The following ANKRD13B variants were observed in gnomAD, a reference collection of about 807,000 sequenced individuals.
ANKRD13B encodes the protein ankyrin repeat domain-containing protein 13B.
A neutral mutation model predicts 74.4 loss-of-function variants in ANKRD13B; 33 were observed. The ratio of observed to expected loss-of-function variants is 0.44; its 90% CI spans 0.34 to 0.59. The LOEUF is 0.59. Among genes scored for constraint, ANKRD13B ranks in the 20% least tolerant of loss-of-function variants. The pLI, the probability that ANKRD13B is intolerant of heterozygous loss-of-function variation, is 0.02. For missense variants in ANKRD13B, 676 were observed against 877.9 expected (o/e 0.77, Z 2.91); for synonymous variants, 341 against 362.9 (o/e 0.94, Z 0.68).
intron 1 of ANKRD13B, among the ~76,000 whole-genome samples, chr17:29,606,006 G>A (rs936338742): frequency 1.3e-5 from 2 of 151,568 alleles, no homozygotes; most frequent in African/African-American, 4.9e-5. Context: ...TCCGCCTCCC[G>A]GGTTCAAGCG....
At chr17:29,604,839 G>A (rs1484236088) in intron 1 of ANKRD13B, among the ~76,000 whole-genome samples, 3 of 152,252 alleles carry the variant, frequency 2.0e-5, no homozygotes, top group South Asian at 2.1e-4. Context: ...CACTGCACCC[G>A]GCCTGAGGCT....
Position 29,611,265 on chromosome 17 carries a change from C to A in ANKRD13B, c.905-314C>A, listed in dbSNP as rs927121087. On this transcript the variant is annotated intron_variant, in intron 8 of 14. Transcript: ENST00000394859. The surrounding 1 kb of genome is among the most constrained non-coding windows in gnomAD (Gnocchi z 4.3). ...AAGCAAACACACACACGCACATGCA[C>A]ACCCCACAGTGCCTGCCGGGGCAGG... 6.6e-6 allele frequency among the ~76,000 whole-genome samples: 1 copy of A among 152,222 alleles called. No individual in the cohort carries two copies. The highest frequency in any genetic ancestry group is 1.9e-4 in the East Asian group (1 of 5,202).
intron 1 of ANKRD13B, among the ~76,000 whole-genome samples, chr17:29,597,899 A>G (rs117566858): frequency 0.013 from 1,993 of 152,214 alleles, 24 homozygotes; most frequent in South Asian, 0.034. Flanking sequence ...CCTGGAGCTG[A>G]GGCACCTGAT....
In ANKRD13B at chr17:29,608,591, AGAGT is replaced by A. The variant is rs1005927175; in HGVS notation, c.422-249_422-246del. 2 of 578,774 alleles carry A rather than the reference AGAGT, an allele frequency of 3.5e-6. No homozygotes were observed. The highest frequency in any genetic ancestry group is 1.9e-5 in the African/African-American group (1 of 53,660). 35.9% of individuals were successfully genotyped at this position (578,774 alleles called of 1,614,324 possible). A position where few individuals can be genotyped will look rare whatever the true frequency, so the allele number is the denominator to read the frequency against. On this transcript the variant is annotated intron_variant, in intron 4 of 14. Transcript: ENST00000394859. The surrounding 1 kb of genome is among the most constrained non-coding windows in gnomAD (Gnocchi z 6.4). ...AATATTTGTTGAAAGAATGGATGAA[AGAGT>A]GAGTGAGTGAATTAACAAATGATGG...
rs1338752364 is a variant in ANKRD13B, at chr17:29,609,021, G to A, written c.565+27G>A. ...TCAGGCAGGCAGGAAGTGGGGCAGG[G>A]TGGGGACGATGGGAGGCAGCCCCAG... On this transcript the variant is annotated intron_variant, in intron 5 of 14. Transcript: ENST00000394859. This position sits in a 1 kb window ranked among gnomAD's most constrained non-coding sequence, Gnocchi z 4.0. 5.0e-6 allele frequency: 8 copies of A among 1,613,826 alleles called. 1 individual carries two copies. The South Asian group carries it at 7.7e-5, about 16-fold the overall frequency.
Position 29,611,955 on chromosome 17 carries a change from T to C in ANKRD13B, c.1049T>C (p.Leu350Pro). The change falls in exon 10 of 15, where the codon CTG (leucine) becomes CCG (proline). Residue 350 changes from leucine (L) to proline (P), a missense_variant. Leu to Pro is a moderately conservative substitution (Grantham distance 98). Coordinates refer to ENST00000394859, the MANE Select transcript of ANKRD13B (RefSeq NM_152345.5). This position sits in a 1 kb window ranked among gnomAD's most constrained non-coding sequence, Gnocchi z 4.3. ...GAATACTTCAACCCCAACTTTGAGC[T>C]GGGCAACCGTGATATGGGCCGCCCC... ...AEEYFNPNFE[L>P]GNRDMGRPME... The C allele has an allele frequency of 6.2e-7, 1 of 1,614,108 alleles. No homozygotes were observed. The highest frequency in any genetic ancestry group is 8.5e-7 in the Non-Finnish European group (1 of 1,179,990).
At position 29,614,552 on chromosome 17, in the gene ANKRD13B, C is replaced by G. The variant is rs1344700907; in HGVS notation, c.*970C>G. On this transcript the variant is annotated 3_prime_UTR_variant, in exon 15 of 15. Coordinates refer to ENST00000394859, the MANE Select transcript of ANKRD13B (RefSeq NM_152345.5). ...CCCACCTCACCCACCCAGAGAAGCA[C>G]AGACCCCGCCAGGGGCAGGGGCCCA... The G allele has an allele frequency of 1.3e-5, 2 of 152,626 alleles. No homozygotes were observed. The highest frequency in any genetic ancestry group is 4.8e-5 in the African/African-American group (2 of 41,436). The allele number at this position is 152,626 out of a possible 1,614,324, so 9.5% of individuals were successfully genotyped here.
At position 29,614,065 on chromosome 17, in the gene ANKRD13B, C is replaced by T. The variant is rs2034713721; in HGVS notation, c.*483C>T. On this transcript the variant is annotated 3_prime_UTR_variant, in exon 15 of 15. Transcript: ENST00000394859. ...TGCTGTGTCACTGCTTTGTTCCAGA[C>T]ACAAACCAGCACGTCTAGGGCCCAG... 6.5e-6 allele frequency: 1 copy of T among 154,450 alleles called. No individual in the cohort carries two copies. 9.6% of individuals were successfully genotyped at this position (154,450 alleles called of 1,614,324 possible). A position where few individuals can be genotyped will look rare whatever the true frequency, so the allele number is the denominator to read the frequency against.
chr17:29,593,329 G>C lies in ANKRD13B; in HGVS notation c.-293G>C, dbSNP rs1401061410. The C allele has an allele frequency of 3.4e-5, 5 of 147,982 alleles. No homozygotes were observed. The highest frequency in any genetic ancestry group is 3.4e-4 in the Admixed American group (5 of 14,892). The allele number at this position is 147,982 out of a possible 1,614,324, so 9.2% of individuals were successfully genotyped here. ...CCGAGCGGCGTCTTTGTGTGCGGGG[G>C]TGTGGGAGGCGAGCGCGAGTCCGCG... is the stretch of plus-strand genomic sequence containing the variant. On this transcript the variant is annotated 5_prime_UTR_variant, in exon 1 of 15. Coordinates refer to ENST00000394859, the MANE Select transcript of ANKRD13B (RefSeq NM_152345.5).
intron 1 of ANKRD13B, among the ~76,000 whole-genome samples, chr17:29,599,879 T>TG (rs1567786225): frequency 7.4e-5 from 9 of 122,160 alleles, no homozygotes; most frequent in Non-Finnish European, 1.1e-4. Context: ...TTTTTTTTTT[T>TG]TTTTTTTTTT....
chr17:29,609,534 TG>T lies in ANKRD13B; in HGVS notation c.822+115del, dbSNP rs1214740133. 2 of 1,293,012 alleles carry T rather than the reference TG, an allele frequency of 1.5e-6. No homozygotes were observed. The highest frequency in any genetic ancestry group is 3.0e-5 in the African/African-American group (2 of 67,790). 80.1% of individuals were successfully genotyped at this position (1,293,012 alleles called of 1,614,324 possible). ...CTGGAGGTACAGAAGCAATGCAGCG[TG>T]GTCAAGCACTTATATTTGGGTTCAA... On this transcript the variant is annotated intron_variant, in intron 7 of 14. Coordinates refer to ENST00000394859, the MANE Select transcript of ANKRD13B (RefSeq NM_152345.5). The surrounding 1 kb of genome is among the most constrained non-coding windows in gnomAD (Gnocchi z 4.0).
intron 7 of ANKRD13B, 106 bp from the exon 8 acceptor site, chr17:29,610,579 G>A (rs1454336445): frequency 1.1e-5 from 9 of 831,838 alleles, no homozygotes; most frequent in Non-Finnish European, 1.8e-6. Flanking sequence ...CTGAAGCAGA[G>A]TCTCTCCAGG....
chr17:29,609,094 G>C lies in ANKRD13B; in HGVS notation c.574G>C (p.Ala192Pro). 1 of 1,610,526 alleles carries C rather than the reference G, an allele frequency of 6.2e-7. No individual in the cohort carries two copies. ...SFVFRGQDTSAVVMEIDHDRR... is the reference protein window; with the variant it reads ...SFVFRGQDTSPVVMEIDHDRR... Reference sequence around the variant, plus strand: ...TGTTCCGTGTCTGGCAGACACAAGCGCCGTGGTCATGGAGATTGACCACGA... The same window carrying C: ...TGTTCCGTGTCTGGCAGACACAAGCCCCGTGGTCATGGAGATTGACCACGA... Residue 192 changes from alanine to proline, a missense_variant, in exon 6 of 15, where the codon GCC becomes CCC. By Grantham distance (27) the Ala-to-Pro change is conservative (BLOSUM62 -1). Transcript: ENST00000394859. This position sits in a 1 kb window ranked among gnomAD's most constrained non-coding sequence, Gnocchi z 4.0.
At chr17:29,594,898 T>G (rs754077939) in intron 1 of ANKRD13B, among the ~76,000 whole-genome samples, 20 of 152,160 alleles carry the variant, frequency 1.3e-4, no homozygotes, top group Non-Finnish European at 2.5e-4. Context: ...CTGAGCAGGC[T>G]GGGGGTCAGG....
rs774036741 is a variant in ANKRD13B at position 29,609,315 on chromosome 17, G to A, written c.755+40G>A. 1.2e-6 allele frequency: 2 copies of A among 1,613,092 alleles called. No individual in the cohort carries two copies. The highest frequency in any genetic ancestry group is 2.2e-5 in the East Asian group (1 of 44,876). On this transcript the variant is annotated intron_variant, in intron 6 of 14. Transcript: ENST00000394859. This position sits in a 1 kb window ranked among gnomAD's most constrained non-coding sequence, Gnocchi z 4.0. ...CCTTGGTCACCCTTGAGCCAGCCCG[G>A]TGGGGTGCCTGCCTCACCTGGACCA...
At position 29,613,617 on chromosome 17, in the gene ANKRD13B, C is replaced by T. The variant is rs1253043013; in HGVS notation, c.*35C>T. On this transcript the variant is annotated 3_prime_UTR_variant, in exon 15 of 15. Transcript: ENST00000394859. Reference sequence around the variant, plus strand: ...CCGGGACCCTCGCCAGCGCCACGCGCGCCACGCCCAGGGCCAGGAGCCAGA... The same window carrying T: ...CCGGGACCCTCGCCAGCGCCACGCGTGCCACGCCCAGGGCCAGGAGCCAGA... 1.7e-5 allele frequency: 24 copies of T among 1,394,814 alleles called. No individual in the cohort carries two copies. The highest frequency in any genetic ancestry group is 2.0e-5 in the Non-Finnish European group (22 of 1,074,474). The allele number at this position is 1,394,814 out of a possible 1,614,324, so 86.4% of individuals were successfully genotyped here.
At position 29,609,063 on chromosome 17, in the gene ANKRD13B, CT is replaced by C. The variant is rs1363401822; in HGVS notation, c.566-22del. 6.2e-7 allele frequency: 1 copy of C among 1,611,622 alleles called. No homozygotes were observed. The highest frequency in any genetic ancestry group is 8.5e-7 in the Non-Finnish European group (1 of 1,179,560). ...CAGCCCCAGGCCACCCCTGATCCCC[CT>C]GTGCTGTTCCGTGTCTGGCAGACAC... On this transcript the variant is annotated intron_variant, in intron 5 of 14. Coordinates refer to ENST00000394859, the MANE Select transcript of ANKRD13B (RefSeq NM_152345.5). This position sits in a 1 kb window ranked among gnomAD's most constrained non-coding sequence, Gnocchi z 4.0.
chr17:29,607,604 C>A, intron 1 of ANKRD13B, 138 bp from the exon 2 acceptor site: 1 of 1,216,142 alleles, frequency 8.2e-7, no homozygotes, highest in Non-Finnish European at 1.1e-6. Context: ...TCTGTCTTTC[C>A]GTTGCCTTGT....
chr17:29,606,812 C>G (rs889109786), intron 1 of ANKRD13B, among the ~76,000 whole-genome samples: 1 of 150,918 alleles, frequency 6.6e-6, no homozygotes, highest in East Asian at 1.9e-4. Flanking sequence ...ACTTTGGGAG[C>G]CCGAGCCAGG....
Sources: allele counts gnomAD v4.1 joint callset (sites outside exome capture counted in the v4.1 genomes callset), GRCh38; gene constraint gnomAD v4.1.1; non-coding constraint Gnocchi (gnomAD v3.1); transcripts MANE v1.5; gene names NCBI Gene and HGNC (gene_info 2026-07-23, HGNC 2026-07-21).